Variants in CDO1 observed in about 807,000 individuals in gnomAD.
The protein encoded by CDO1 is cysteine dioxygenase, type I.
A neutral mutation model predicts 24.5 loss-of-function variants in CDO1; 19 were observed. The observed-to-expected ratio is 0.77, with a 90% CI of 0.54 to 1.14. The LOEUF (loss-of-function observed/expected upper bound fraction) is 1.14, where lower values mean the gene tolerates loss of function less well. Among genes scored for constraint, CDO1 ranks in the 50% most tolerant of loss-of-function variants. CDO1 has a pLI of 0.00. For synonymous variants in CDO1, 91 were observed against 87.0 expected, an observed-to-expected ratio of 1.05 and a Z score of -0.26; for missense variants, 244 against 244.8, an observed-to-expected ratio of 1.00 and a Z score of 0.02.
chr5:115,806,408 C>T lies in CDO1; in HGVS notation c.514G>A (p.Gly172Arg). 6.2e-7 allele frequency: 1 copy of T among 1,610,794 alleles called. No homozygotes were observed. The change falls in exon 4 of 5, where the codon GGA becomes AGA. Residue 172 changes from glycine (G) to arginine (R), a missense_variant. Gly to Arg is a moderately radical substitution (Grantham distance 125). Coordinates refer to ENST00000250535, the MANE Select transcript of CDO1 (RefSeq NM_001801.3). ...DTCHAFDQRT[G>R]HKNKVTMTFH... Reference sequence around the variant, plus strand: ...GTCATTGTGACTTTGTTTTTATGTCCTGTTCTTTGATCAAAGGCATGGCAT... The same window carrying T: ...GTCATTGTGACTTTGTTTTTATGTCTTGTTCTTTGATCAAAGGCATGGCAT...
At chr5:115,805,769 G>A (rs1387043831) in intron 4 of CDO1, among the ~76,000 whole-genome samples, 1 of 152,216 alleles carries the variant, frequency 6.6e-6, no homozygotes, top group Non-Finnish European at 1.5e-5. Context: ...GATAATTAAA[G>A]ACTATTCCTC....
At chr5:115,811,408 GT>G in intron 2 of CDO1, 93 bp from the exon 3 acceptor site, 1 of 831,724 alleles carries the variant, frequency 1.2e-6, no homozygotes, top group Non-Finnish European at 1.9e-6. Context: ...CCTGCATACT[GT>G]CAATAAGCTA....
chr5:115,806,320 CA>C, intron 4 of CDO1, 28 bp downstream of exon 4: 1 of 1,549,546 alleles, frequency 6.5e-7, no homozygotes, highest in South Asian at 1.2e-5. Context: ...ACCTACAGAG[CA>C]TTTAAACCTA....
intron 1 of CDO1, among the ~76,000 whole-genome samples, chr5:115,815,174 T>G (rs1760373878): frequency 6.6e-6 from 1 of 152,170 alleles, no homozygotes; most frequent in Non-Finnish European, 1.5e-5. Flanking sequence ...CAAACTTACT[T>G]CTTTCCTTAT....
chr5:115,806,595 T>C, intron 3 of CDO1, 77 bp from the exon 4 acceptor site: 1 of 1,014,110 alleles, frequency 9.9e-7, no homozygotes. Context: ...GTGAGTCATC[T>C]GAGATCATGA....
At chr5:115,806,644 T>A in intron 3 of CDO1, 126 bp from the exon 4 acceptor site, 1 of 705,498 alleles carries the variant, frequency 1.4e-6, no homozygotes, top group Non-Finnish European at 2.3e-6. Context: ...TTAATTAGAA[T>A]TGAACTTGCA....
In CDO1 at chr5:115,805,452, C is replaced by A. The variant is rs181204831; in HGVS notation, c.584G>T (p.Gly195Val). ...TGCCCCTTAGTTGTTCTCCAGCGAGCCCGAAGTTGCCTGTAAAAAAGGGAA... is the reference window on the plus strand; with the variant it reads ...TGCCCCTTAGTTGTTCTCCAGCGAGACCGAAGTTGCCTGTAAAAAAGGGAA... Reference protein sequence around the residue: ...FGIRTPNATSGSLENN With the variant: ...FGIRTPNATSVSLENN The change falls in exon 5 of 5, where the codon GGC becomes GTC. Residue 195 changes from glycine to valine, a missense_variant. Physicochemically the swap from Gly to Val is moderately radical, Grantham distance 109 (BLOSUM62 -3). Transcript: ENST00000250535. 6.2e-7 allele frequency: 1 copy of A among 1,613,852 alleles called. No individual in the cohort carries two copies.
At chr5:115,815,684 G>A (rs1054042155) in intron 1 of CDO1, among the ~76,000 whole-genome samples, 4 of 152,212 alleles carry the variant, frequency 2.6e-5, no homozygotes, top group African/African-American at 9.6e-5. Context: ...CAGTGATGGA[G>A]AACTGACGCG....
Position 115,813,173 on chromosome 5 carries a change from T to A in CDO1, c.248+8A>T, listed in dbSNP as rs1395527054. On this transcript the variant is annotated splice_region_variant and intron_variant, in intron 2 of 4. Transcript: ENST00000250535. ...TAATAAATATCTGTGAATGAATAGTTATTTTACCTGCCATGTCCTTCACCC... is the reference window on the plus strand; with the variant it reads ...TAATAAATATCTGTGAATGAATAGTAATTTTACCTGCCATGTCCTTCACCC... The A allele has an allele frequency of 2.6e-6, 4 of 1,512,648 alleles. No individual in the cohort carries two copies. The highest frequency in any genetic ancestry group is 3.7e-6 in the Non-Finnish European group (4 of 1,089,094). The allele number at this position is 1,512,648 out of a possible 1,614,324, so 93.7% of individuals were successfully genotyped here.
Position 115,813,259 on chromosome 5 carries a change from C to T in CDO1, c.171-1G>A. On this transcript the variant is annotated splice_acceptor_variant, in intron 1 of 4. Transcript: ENST00000250535. LOFTEE classifies it high-confidence loss of function. Reference sequence around the variant, plus strand: ...TTGATCCACAAGATTTCGGGTATACCTAAAAAAAAACAATATATTCAGAAG... The same window carrying T: ...TTGATCCACAAGATTTCGGGTATACTTAAAAAAAAACAATATATTCAGAAG... 1.3e-6 allele frequency: 2 copies of T among 1,538,448 alleles called. No individual in the cohort carries two copies. The highest frequency in any genetic ancestry group is 1.8e-6 in the Non-Finnish European group (2 of 1,114,062).
At chr5:115,806,258 C>A in intron 4 of CDO1, 91 bp downstream of exon 4, 2 of 752,436 alleles carry the variant, frequency 2.7e-6, no homozygotes, top group East Asian at 5.9e-5. Context: ...GGGCCTTATC[C>A]ATGAATTAAG....
In CDO1 at chr5:115,813,260, T is replaced by A; in HGVS notation, c.171-2A>T. On this transcript the variant is annotated splice_acceptor_variant, in intron 1 of 4. Transcript: ENST00000250535. LOFTEE classifies it high-confidence loss of function. Reference sequence around the variant, plus strand: ...TGATCCACAAGATTTCGGGTATACCTAAAAAAAAACAATATATTCAGAAGT... The same window carrying A: ...TGATCCACAAGATTTCGGGTATACCAAAAAAAAAACAATATATTCAGAAGT... 6.6e-7 allele frequency: 1 copy of A among 1,504,568 alleles called. No individual in the cohort carries two copies. The highest frequency in any genetic ancestry group is 9.2e-7 in the Non-Finnish European group (1 of 1,087,642). 93.2% of individuals were successfully genotyped at this position (1,504,568 alleles called of 1,614,324 possible).
At chr5:115,808,108 A>G (rs1268210486) in intron 3 of CDO1, among the ~76,000 whole-genome samples, 1 of 152,120 alleles carries the variant, frequency 6.6e-6, no homozygotes, top group Non-Finnish European at 1.5e-5. Flanking sequence ...CTTCCCAAGT[A>G]TCTGGGACTA....
intron 1 of CDO1, among the ~76,000 whole-genome samples, chr5:115,815,621 A>C (rs924207776): frequency 6.3e-4 from 96 of 152,236 alleles, no homozygotes; most frequent in African/African-American, 2.2e-3. Context: ...ACGCTATTTT[A>C]CATGAGTAAA....
At chr5:115,807,675 G>A (rs11949590) in intron 3 of CDO1, among the ~76,000 whole-genome samples, 6,067 of 134,624 alleles carry the variant, frequency 0.045, 450 homozygotes, top group African/African-American at 0.15. Flanking sequence ...AGAAAAGAAA[G>A]AGAAAAAAAA....
intron 3 of CDO1, chr5:115,809,530 T>G (rs1378081833): frequency 6.6e-6 from 1 of 152,182 alleles, no homozygotes; most frequent in Non-Finnish European, 1.5e-5. Flanking sequence ...TGAGCTCACT[T>G]TACTCTCCTG....
At chr5:115,806,638 T>G (rs977242936) in intron 3 of CDO1, 120 bp from the exon 4 acceptor site, 11 of 726,670 alleles carry the variant, frequency 1.5e-5, no homozygotes, top group Non-Finnish European at 2.0e-5. Context: ...TAGATATTAA[T>G]TAGAATTGAA....
intron 3 of CDO1, among the ~76,000 whole-genome samples, chr5:115,808,093 C>T (rs1760028632): frequency 6.6e-6 from 1 of 152,182 alleles, no homozygotes. Context: ...GATCCTCCCA[C>T]TTAGCTTCCC....
At position 115,805,147 on chromosome 5, in the gene CDO1, C is replaced by T. The variant is rs1289417052; in HGVS notation, c.*286G>A. 5.7e-6 allele frequency: 2 copies of T among 350,404 alleles called. No homozygotes were observed. Among genetic ancestry groups the T allele is most frequent in the African/African-American group, 2.1e-5 (1 of 47,080 alleles). The allele number at this position is 350,404 out of a possible 1,614,324, so 21.7% of individuals were successfully genotyped here. A position where few individuals can be genotyped will look rare whatever the true frequency, so the allele number is the denominator to read the frequency against. On this transcript the variant is annotated 3_prime_UTR_variant, in exon 5 of 5. Coordinates refer to ENST00000250535, the MANE Select transcript of CDO1 (RefSeq NM_001801.3). Reference sequence around the variant, plus strand: ...AAAGCTATGAAAACCCTCACTGACGCTCCTAGTATGGATTTAATGGAATTA... The same window carrying T: ...AAAGCTATGAAAACCCTCACTGACGTTCCTAGTATGGATTTAATGGAATTA...
Sources: allele counts gnomAD v4.1 joint callset (sites outside exome capture counted in the v4.1 genomes callset), GRCh38; gene constraint gnomAD v4.1.1; transcripts MANE v1.5; gene names NCBI Gene and HGNC (gene_info 2026-07-23, HGNC 2026-07-21).